The following GTF2IRD1 variants were observed in gnomAD, a reference collection of about 807,000 sequenced individuals.
GTF2IRD1 encodes general transcription factor II-I repeat domain-containing protein 1.
Under a neutral mutation model 113.2 loss-of-function variants are expected in GTF2IRD1, and 26 were observed. The observed-to-expected ratio is 0.23, with a 90% CI of 0.17 to 0.32. GTF2IRD1 has a LOEUF of 0.32. GTF2IRD1 is among the 10% of genes least tolerant of loss of function. The pLI is 1.00. For synonymous variants in GTF2IRD1, 484 were observed against 529.1 expected (o/e 0.91, Z 1.17); for missense variants, 864 against 1,280.8 (o/e 0.67, Z 4.97).
Position 74,558,987 on chromosome 7 carries a change from C to A in GTF2IRD1, c.2234C>A (p.Ser745Tyr). The change falls in exon 21 of 27, where the codon TCC becomes TAC. Residue 745 changes from serine (S) to tyrosine (Y), a missense_variant. Ser to Tyr is a moderately radical substitution (Grantham distance 144). Around this residue, in one of 7 missense-constraint regions of GTF2IRD1, gnomAD observed 195 missense variants for 359.1 expected, o/e 0.54. Transcript: ENST00000424337. ...TTCCGAAAGCCCTGTACCTTCGGCTCCCAGAACCTGGAGAGGATTCTTGCT... is the reference window on the plus strand; with the variant it reads ...TTCCGAAAGCCCTGTACCTTCGGCTACCAGAACCTGGAGAGGATTCTTGCT... ...IPFRKPCTFG[S>Y]QNLERILAVA... 2 of 1,614,106 alleles carry A rather than the reference C, an allele frequency of 1.2e-6. No individual in the cohort carries two copies. Among genetic ancestry groups the A allele is most frequent in the Non-Finnish European group, 1.7e-6 (2 of 1,180,004 alleles).
intron 22 of GTF2IRD1, among the ~76,000 whole-genome samples, chr7:74,561,018 C>T (rs1287958262): frequency 1.3e-5 from 2 of 152,086 alleles, no homozygotes; most frequent in Non-Finnish European, 2.9e-5. Context: ...CCCTGCGGGG[C>T]GACATGCCAC....
chr7:74,481,804 A>G (rs1329934518), intron 1 of GTF2IRD1, among the ~76,000 whole-genome samples: 1 of 152,218 alleles, frequency 6.6e-6, no homozygotes, highest in African/African-American at 2.4e-5. Context: ...ACTCAGGATT[A>G]ATTTATAGAA....
intron 1 of GTF2IRD1, among the ~76,000 whole-genome samples, chr7:74,476,263 T>C (rs1485481291): frequency 6.6e-6 from 1 of 152,094 alleles, no homozygotes; most frequent in African/African-American, 2.4e-5. Flanking sequence ...CTAGTTGTTA[T>C]TTTTATTACT....
At chr7:74,583,865 G>C (rs1452880629) in intron 22 of GTF2IRD1, among the ~76,000 whole-genome samples, 1 of 152,098 alleles carries the variant, frequency 6.6e-6, no homozygotes, top group African/African-American at 2.4e-5. Context: ...GCTCACAACT[G>C]CCTTGGAGGT....
chr7:74,509,525 C>T (rs1796499611), intron 2 of GTF2IRD1, among the ~76,000 whole-genome samples: 1 of 151,728 alleles, frequency 6.6e-6, no homozygotes, highest in Non-Finnish European at 1.5e-5. Context: ...AGAGGAGACT[C>T]TCTCAATTAA....
At chr7:74,470,717 C>G (rs1794028877) in intron 1 of GTF2IRD1, among the ~76,000 whole-genome samples, 1 of 152,274 alleles carries the variant, frequency 6.6e-6, no homozygotes, top group South Asian at 2.1e-4. Context: ...TGATGGATAC[C>G]ACACCACCAC....
rs372349005 is a variant in GTF2IRD1, at chr7:74,541,116, TG to T, written c.1618+1152del. Among the ~76,000 whole-genome samples the T allele has an allele frequency of 5.4e-3, 824 of 151,920 alleles. 9 individuals are homozygous for T. The highest frequency in any genetic ancestry group is 0.018 in the African/African-American group (760 of 41,454). Reference sequence around the variant, plus strand: ...ATGTACTAGGTCCTGCGTAAGGGGCTGGGGAAAAAGCAGTGGACCAAACAGG... The same window carrying T: ...ATGTACTAGGTCCTGCGTAAGGGGCTGGGAAAAAGCAGTGGACCAAACAGG... On this transcript the variant is annotated intron_variant, in intron 14 of 26. Transcript: ENST00000424337.
At chr7:74,602,295 G>T in intron 26 of GTF2IRD1, 70 bp from the exon 27 acceptor site, 1 of 1,559,252 alleles carries the variant, frequency 6.4e-7, no homozygotes, top group Non-Finnish European at 8.7e-7. Context: ...TCCAAAAGCA[G>T]AACTAAGCAT....
At chr7:74,560,120 C>T (rs1363480895) in intron 22 of GTF2IRD1, among the ~76,000 whole-genome samples, 1 of 152,184 alleles carries the variant, frequency 6.6e-6, no homozygotes, top group Non-Finnish European at 1.5e-5. Context: ...TACCTGGGCT[C>T]CTGCCCCAGG....
chr7:74,538,942 T>C (rs1798468733), intron 13 of GTF2IRD1, among the ~76,000 whole-genome samples, 182 bp downstream of exon 13: 2 of 152,204 alleles, frequency 1.3e-5, no homozygotes, highest in African/African-American at 4.8e-5. Flanking sequence ...TGTGAATCAG[T>C]GTTCTCAGCT....
intron 13 of GTF2IRD1, 84 bp downstream of exon 13, chr7:74,538,844 G>A: frequency 4.0e-6 from 3 of 749,834 alleles, no homozygotes; most frequent in East Asian, 5.0e-5. Context: ...GTGAAGAAGT[G>A]GCCTCCAGGC....
At chr7:74,553,977 T>C (rs1554355888) in intron 17 of GTF2IRD1, among the ~76,000 whole-genome samples, 1 of 152,162 alleles carries the variant, frequency 6.6e-6, no homozygotes, top group East Asian at 1.9e-4. Flanking sequence ...TGCCTGGCAC[T>C]GTACAGAAGC....
intron 17 of GTF2IRD1, among the ~76,000 whole-genome samples, chr7:74,547,772 T>TG (rs1229091151): frequency 6.7e-6 from 1 of 148,900 alleles, no homozygotes; most frequent in East Asian, 1.9e-4. Context: ...TTTTTTTTTT[T>TG]TTTTTGACAG....
intron 1 of GTF2IRD1, among the ~76,000 whole-genome samples, chr7:74,489,202 TC>T (rs1286123867): frequency 6.6e-6 from 1 of 152,042 alleles, no homozygotes; most frequent in African/African-American, 2.4e-5. Context: ...AGATCTGGGG[TC>T]ATACAGGACC....
intron 23 of GTF2IRD1, among the ~76,000 whole-genome samples, chr7:74,590,439 A>G (rs1166536033): frequency 6.9e-6 from 1 of 144,638 alleles, no homozygotes; most frequent in Non-Finnish European, 1.5e-5. Flanking sequence ...CCCAGGCTGG[A>G]GTGCAGTGGC....
chr7:74,549,752 A>T (rs1456504759), intron 17 of GTF2IRD1, among the ~76,000 whole-genome samples: 1 of 151,630 alleles, frequency 6.6e-6, no homozygotes, highest in Non-Finnish European at 1.5e-5. Context: ...TACAAAAATT[A>T]AGGCCGGGTG....
chr7:74,461,727 T>C (rs1485458475), intron 1 of GTF2IRD1, among the ~76,000 whole-genome samples: 1 of 152,096 alleles, frequency 6.6e-6, no homozygotes, highest in African/African-American at 2.4e-5. Context: ...TATGGGTGCA[T>C]GCCACCTCGC....
intron 1 of GTF2IRD1, among the ~76,000 whole-genome samples, chr7:74,496,488 T>TGG (rs1562802607): frequency 9.6e-6 from 1 of 104,232 alleles, no homozygotes; most frequent in African/African-American, 3.3e-5. Context: ...TGCACGTATG[T>TGG]GTGTGTGTGT....
intron 1 of GTF2IRD1, among the ~76,000 whole-genome samples, chr7:74,463,735 T>G (rs1260888494): frequency 1.3e-5 from 2 of 151,396 alleles, no homozygotes; most frequent in African/African-American, 2.4e-5. Flanking sequence ...TTTGTTTTTT[T>G]TTTTTTGAGA....
Sources: allele counts gnomAD v4.1 joint callset (sites outside exome capture counted in the v4.1 genomes callset), GRCh38; gene constraint gnomAD v4.1.1; regional missense constraint gnomAD v4.1.1; transcripts MANE v1.5; gene names NCBI Gene and HGNC (gene_info 2026-07-23, HGNC 2026-07-21).